The following DCP2 variants were observed in gnomAD, a reference collection of about 807,000 sequenced individuals.
DCP2 encodes the protein decapping mRNA 2.
DCP2 carries 30 observed loss-of-function variants against 56.1 expected under a neutral mutation model. The ratio of observed to expected loss-of-function variants is 0.53; its 90% CI spans 0.40 to 0.73. The LOEUF is 0.73. Among genes scored for constraint, DCP2 ranks in the 30% least tolerant of loss-of-function variants. The pLI, the probability that DCP2 is intolerant of heterozygous loss-of-function variation, is 0.00. For synonymous variants in DCP2, 197 were observed against 163.3 expected (o/e 1.21, Z -1.57); for missense variants, 533 against 502.7 (o/e 1.06, Z -0.58).
intron 4 of DCP2, among the ~76,000 whole-genome samples, chr5:112,996,851 A>T (rs1451641591): frequency 6.6e-6 from 1 of 152,216 alleles, no homozygotes; most frequent in Non-Finnish European, 1.5e-5. Context: ...AATCACAACA[A>T]ATTTAAAGAT....
chr5:112,996,017 G>A (rs1163000917), intron 4 of DCP2, among the ~76,000 whole-genome samples: 4 of 152,096 alleles, frequency 2.6e-5, no homozygotes, highest in Admixed American at 6.6e-5. Flanking sequence ...GTCAGATTAG[G>A]GCCCTGCCCT....
chr5:113,004,177 C>G, intron 8 of DCP2, 100 bp downstream of exon 8: 2 of 1,328,476 alleles, frequency 1.5e-6, no homozygotes, highest in Non-Finnish European at 2.1e-6. Context: ...ACAGAGAGCT[C>G]TGAGTTACTG....
intron 1 of DCP2, among the ~76,000 whole-genome samples, chr5:112,977,731 C>G (rs1394904763): frequency 1.3e-5 from 2 of 152,142 alleles, no homozygotes; most frequent in African/African-American, 4.8e-5. Flanking sequence ...TAGCCAAACA[C>G]GTGTAGGATA....
At chr5:112,985,742 A>C in intron 1 of DCP2, 93 bp from the exon 2 acceptor site, 4 of 1,419,046 alleles carry the variant, frequency 2.8e-6, no homozygotes, top group Non-Finnish European at 3.9e-6. Context: ...CCCTTTTCTC[A>C]GTTGGTGGGT....
Position 112,991,654 on chromosome 5 carries a change from T to G in DCP2, c.206-467T>G, listed in dbSNP as rs59876839. Among the ~76,000 whole-genome samples, 1,213 of 152,360 alleles carry G rather than the reference T, an allele frequency of 8.0e-3. 13 individuals are homozygous for G. The highest frequency in any genetic ancestry group is 0.028 in the African/African-American group (1,174 of 41,584). ...TTCTTTTTCTGATGTGATAGTTTCT[T>G]TCTCTTAGCAATATATTTTCTTCTG... On this transcript the variant is annotated intron_variant, in intron 2 of 10. Coordinates refer to ENST00000389063, the MANE Select transcript of DCP2 (RefSeq NM_152624.6).
Position 113,015,211 on chromosome 5 carries a change from C to G in DCP2, c.*1727C>G. 1 of 152,520 alleles carries G rather than the reference C, an allele frequency of 6.6e-6. No homozygotes were observed. The highest frequency in any genetic ancestry group is 1.5e-5 in the Non-Finnish European group (1 of 68,024). 9.4% of individuals were successfully genotyped at this position (152,520 alleles called of 1,614,324 possible). On this transcript the variant is annotated 3_prime_UTR_variant, in exon 11 of 11. Coordinates refer to ENST00000389063, the MANE Select transcript of DCP2 (RefSeq NM_152624.6). ...CTGCTTTGCTTGGGTCTCTTCGAGCCATATTTATAGTTGGTCCCAGCATTC... is the reference window on the plus strand; with the variant it reads ...CTGCTTTGCTTGGGTCTCTTCGAGCGATATTTATAGTTGGTCCCAGCATTC...
chr5:113,002,118 T>C (rs1003324110), intron 7 of DCP2, among the ~76,000 whole-genome samples: 43 of 152,300 alleles, frequency 2.8e-4, no homozygotes, highest in African/African-American at 9.6e-4. Context: ...CAGTGAAGAC[T>C]TGGGCTTTTA....
At position 113,013,589 on chromosome 5, in the gene DCP2, G is replaced by T; in HGVS notation, c.*105G>T. The stretch of plus-strand genomic sequence containing the variant: ...CTCAGGTGTTTTAAAGAAATGCAGG[G>T]AGGCAATGTTTCTGAAGACATTTTC... On this transcript the variant is annotated 3_prime_UTR_variant, in exon 11 of 11. Transcript: ENST00000389063. 2 of 1,346,170 alleles carry T rather than the reference G, an allele frequency of 1.5e-6. No individual in the cohort carries two copies. Among genetic ancestry groups the T allele is most frequent in the Non-Finnish European group, 2.0e-6 (2 of 983,376 alleles). The allele number at this position is 1,346,170 out of a possible 1,614,324, so 83.4% of individuals were successfully genotyped here. A position where few individuals can be genotyped will look rare whatever the true frequency, so the allele number is the denominator to read the frequency against.
rs534610574 is a variant in DCP2 at position 112,996,629 on chromosome 5, C to T, written c.432+3859C>T. 2.6e-5 allele frequency among the ~76,000 whole-genome samples: 4 copies of T among 152,180 alleles called. No homozygotes were observed. In the South Asian group the frequency reaches 8.3e-4, roughly 31 times the overall value. ...AAGGGTCTGTGGGCTAAGCCTAAAG[C>T]AGCAGTGGCAGACAAGCTACTTAGG... On this transcript the variant is annotated intron_variant, in intron 4 of 10. Coordinates refer to ENST00000389063, the MANE Select transcript of DCP2 (RefSeq NM_152624.6).
chr5:112,984,706 A>ATG (rs1251483506), intron 1 of DCP2: 1 of 120,698 alleles, frequency 8.3e-6, no homozygotes, highest in Admixed American at 8.1e-5. Flanking sequence ...AAAAAAAAAT[A>ATG]TATATATATA....
rs138311990 is a variant in DCP2 at position 113,007,334 on chromosome 5, G to T, written c.943-604G>T. Among the ~76,000 whole-genome samples, 792 of 151,560 alleles carry T rather than the reference G, an allele frequency of 5.2e-3. 4 individuals carry two copies. The highest frequency in any genetic ancestry group is 7.0e-3 in the Middle Eastern group (2 of 284). On this transcript the variant is annotated intron_variant, in intron 8 of 10. Coordinates refer to ENST00000389063, the MANE Select transcript of DCP2 (RefSeq NM_152624.6). ...GGTTCCATTTATGCATTAGAAACGA[G>T]ATCTATAAGCAGACATGGGATAAGG...
At position 113,018,196 on chromosome 5, in the gene DCP2, G is replaced by C. The variant is rs1435895529; in HGVS notation, c.*4712G>C. ...AAATAGTCTTAAAATAGGGAAAAGA[G>C]TGAAAGTTACTCTTATGCATGGGAG... On this transcript the variant is annotated 3_prime_UTR_variant, in exon 11 of 11. Transcript: ENST00000389063. 2 of 152,226 alleles carry C rather than the reference G, an allele frequency of 1.3e-5. No individual in the cohort carries two copies. Among genetic ancestry groups the C allele is most frequent in the Non-Finnish European group, 2.9e-5 (2 of 68,050 alleles). The allele number at this position is 152,226 out of a possible 1,614,324, so 9.4% of individuals were successfully genotyped here.
At chr5:112,985,806 AATT>A (rs770200151) in intron 1 of DCP2, 26 bp from the exon 2 acceptor site, 1 of 1,590,730 alleles carries the variant, frequency 6.3e-7, no homozygotes, top group Admixed American at 1.7e-5. Flanking sequence ...TTGTAAATGT[AATT>A]TTTGTATGTG....
chr5:112,977,862 TTA>T lies in DCP2; in HGVS notation c.53+878_53+879del, dbSNP rs1375726747. Among the ~76,000 whole-genome samples, 5 of 152,202 alleles carry T rather than the reference TTA, an allele frequency of 3.3e-5. No homozygotes were observed. The South Asian group carries it at 1.0e-3, about 32-fold the overall frequency. On this transcript the variant is annotated intron_variant, in intron 1 of 10. Transcript: ENST00000389063. The stretch of plus-strand genomic sequence containing the variant: ...ACCTTTTCGTTCACAGTTACTGTGT[TTA>T]TGTTTTAAAAGGCAGGCTTTTAGTA...
chr5:113,008,127 CTTGTT>C (rs1749523908), intron 9 of DCP2, 85 bp downstream of exon 9: 3 of 1,148,138 alleles, frequency 2.6e-6, no homozygotes, highest in Admixed American at 2.2e-5. Flanking sequence ...AGGAATGTTA[CTTGTT>C]TTGTTCTTAT....
intron 2 of DCP2, 53 bp from the exon 3 acceptor site, chr5:112,992,068 A>T: frequency 1.9e-6 from 3 of 1,594,704 alleles, no homozygotes; most frequent in Non-Finnish European, 1.7e-6. Flanking sequence ...TTCTGTATAT[A>T]ATTTCTCAAG....
In DCP2 at chr5:112,988,323, A is replaced by AG. The variant is rs1748402304; in HGVS notation, c.205+2337_205+2338insG. Among the ~76,000 whole-genome samples, 3 of 150,736 alleles carry AG rather than the reference A, an allele frequency of 2.0e-5. No homozygotes were observed. In the South Asian group the frequency reaches 6.3e-4, roughly 32 times the overall value. The stretch of plus-strand genomic sequence containing the variant: ...CAGTAAAACCCCGTCTCTACTAAAA[A>AG]AAAAAAAAAATACAAAAAATTAGCT... On this transcript the variant is annotated intron_variant, in intron 2 of 10. Transcript: ENST00000389063.
rs1216293165 is a variant in DCP2, at chr5:112,990,755, G to A, written c.206-1366G>A. On this transcript the variant is annotated intron_variant, in intron 2 of 10. Coordinates refer to ENST00000389063, the MANE Select transcript of DCP2 (RefSeq NM_152624.6). ...CCACACCTGGCCAAATTACAGTGTT[G>A]TTATATATGGCTGACTTGACTTGGG... Among the ~76,000 whole-genome samples the A allele has an allele frequency of 2.6e-5, 4 of 152,220 alleles. No homozygotes were observed. In the South Asian group the frequency reaches 6.2e-4, roughly 24 times the overall value.
At chr5:112,988,012 G>C (rs1264414739) in intron 2 of DCP2, among the ~76,000 whole-genome samples, 1 of 152,120 alleles carries the variant, frequency 6.6e-6, no homozygotes, top group African/African-American at 2.4e-5. Flanking sequence ...AGTAGGGATA[G>C]GTGAGCTGAA....
Sources: gnomAD v4.1 joint callset for allele counts (sites outside exome capture counted in the v4.1 genomes callset) on GRCh38, gnomAD v4.1.1 for gene constraint, MANE v1.5 for transcripts, NCBI Gene and HGNC (gene_info 2026-07-23, HGNC 2026-07-21) for gene names.